Variants in LARS2 observed in about 807,000 individuals in gnomAD.
LARS2 encodes leucine--tRNA ligase, mitochondrial.
Under a neutral mutation model 116.6 loss-of-function variants are expected in LARS2, and 81 were observed. The observed-to-expected ratio is 0.69, with a 90% CI of 0.58 to 0.84. LARS2 has a LOEUF of 0.84. Ranked by LOEUF, LARS2 falls within the 40% of genes least tolerant of loss-of-function variation. LARS2 has a pLI of 0.00. For missense variants in LARS2, 968 were observed against 1,114.5 expected, an observed-to-expected ratio of 0.87 and a Z score of 1.87; for synonymous variants, 396 against 407.2, an observed-to-expected ratio of 0.97 and a Z score of 0.33.
intron 2 of LARS2, among the ~76,000 whole-genome samples, chr3:45,393,051 A>C (rs898945541): frequency 4.6e-5 from 7 of 152,172 alleles, no homozygotes; most frequent in African/African-American, 1.7e-4. Flanking sequence ...TAAAACATGA[A>C]ACTTCTTCAG....
At chr3:45,440,259 A>G (rs1485605147) in intron 6 of LARS2, among the ~76,000 whole-genome samples, 3 of 152,230 alleles carry the variant, frequency 2.0e-5, no homozygotes, top group Non-Finnish European at 4.4e-5. Flanking sequence ...TTTGAGCTGT[A>G]TTATGCTTTT....
At chr3:45,521,237 G>A (rs1441739328) in intron 19 of LARS2, among the ~76,000 whole-genome samples, 4 of 152,120 alleles carry the variant, frequency 2.6e-5, no homozygotes, top group Non-Finnish European at 5.9e-5. Context: ...CCCAGGTGGC[G>A]GAGCATGCAG....
At chr3:45,422,667 T>C (rs1299828268) in intron 6 of LARS2, among the ~76,000 whole-genome samples, 1 of 152,224 alleles carries the variant, frequency 6.6e-6, no homozygotes, top group African/African-American at 2.4e-5. Flanking sequence ...ATTTGATCCA[T>C]TTATTATTTC....
At chr3:45,525,581 GA>G (rs749116693) in intron 20 of LARS2, among the ~76,000 whole-genome samples, 12 of 152,232 alleles carry the variant, frequency 7.9e-5, no homozygotes, top group Admixed American at 2.0e-4. Flanking sequence ...TAGCAGGAAA[GA>G]GATGTGGTGT....
intron 2 of LARS2, among the ~76,000 whole-genome samples, chr3:45,393,839 T>A (rs1697999269): frequency 6.6e-6 from 1 of 152,144 alleles, no homozygotes; most frequent in African/African-American, 2.4e-5. Context: ...AGTAAGTAAA[T>A]AAATAAATAA....
chr3:45,509,605 G>A (rs1700253331), intron 15 of LARS2: 1 of 152,046 alleles, frequency 6.6e-6, no homozygotes, highest in Non-Finnish European at 1.5e-5. Context: ...CAATTATCAT[G>A]TAAATACATG....
chr3:45,471,043 A>T (rs1699516056), intron 8 of LARS2, among the ~76,000 whole-genome samples: 1 of 9,516 alleles, frequency 1.1e-4, no homozygotes, highest in African/African-American at 1.1e-4. Context: ...ACAACACTAA[A>T]AAAAAAAAAA....
chr3:45,426,428 ATCTCCGGCTCTGGATTACTTGT>A (rs1698596089), intron 6 of LARS2, among the ~76,000 whole-genome samples: 1 of 152,194 alleles, frequency 6.6e-6, no homozygotes, highest in Non-Finnish European at 1.5e-5. Flanking sequence ...TGTCTAGCAG[ATCTCCGGCTCTGGATTACTTGT>A]TCTCCCTCAG....
intron 8 of LARS2, among the ~76,000 whole-genome samples, chr3:45,465,242 C>T (rs1349469413): frequency 6.6e-6 from 1 of 152,192 alleles, no homozygotes; most frequent in African/African-American, 2.4e-5. Flanking sequence ...CATAATATCT[C>T]CTGCTTCTGT....
At chr3:45,423,248 G>A (rs1379943481) in intron 6 of LARS2, among the ~76,000 whole-genome samples, 1 of 152,082 alleles carries the variant, frequency 6.6e-6, no homozygotes, top group Non-Finnish European at 1.5e-5. Context: ...TTTTCCAGGG[G>A]TTTTTTGTTG....
At chr3:45,412,750 C>G (rs1337750106) in intron 4 of LARS2, among the ~76,000 whole-genome samples, 2 of 152,198 alleles carry the variant, frequency 1.3e-5, no homozygotes, top group Non-Finnish European at 2.9e-5. Flanking sequence ...CCTGGGGCAA[C>G]AGCAAGCTTG....
At chr3:45,486,154 A>T (rs1056642132) in intron 11 of LARS2, among the ~76,000 whole-genome samples, 5 of 147,918 alleles carry the variant, frequency 3.4e-5, no homozygotes, top group African/African-American at 7.4e-5. Flanking sequence ...TACCAGCTTT[A>T]AAAAAAAAAG....
At chr3:45,488,007 A>G (rs771150407) in intron 11 of LARS2, among the ~76,000 whole-genome samples, 1 of 152,190 alleles carries the variant, frequency 6.6e-6, no homozygotes, top group South Asian at 2.1e-4. Flanking sequence ...TGGAGGAGTC[A>G]GCCCCGCTTC....
chr3:45,403,089 G>A (rs1396537581), intron 4 of LARS2, among the ~76,000 whole-genome samples: 3 of 116,356 alleles, frequency 2.6e-5, no homozygotes, highest in Admixed American at 2.1e-4. Context: ...TGGGCAACAA[G>A]AGCGAAACTC....
intron 21 of LARS2, among the ~76,000 whole-genome samples, chr3:45,544,956 G>T (rs781639792): frequency 1.3e-5 from 2 of 152,066 alleles, no homozygotes; most frequent in African/African-American, 4.8e-5. Flanking sequence ...AAAGCTAAAG[G>T]TAGGGAGTGT....
intron 15 of LARS2, among the ~76,000 whole-genome samples, chr3:45,502,705 C>T (rs1347896023): frequency 6.6e-6 from 1 of 152,112 alleles, no homozygotes; most frequent in Non-Finnish European, 1.5e-5. Flanking sequence ...GCCACTGTGC[C>T]CAGCCAATTT....
rs1395569267 is a variant in LARS2 at position 45,526,025 on chromosome 3, A to G, written c.2404+1917A>G. ...GAGAGGAGGAGGAGAAGGCAATTAT[A>G]AGGACTTCATGAGTTGAGCAAGATT... On this transcript the variant is annotated intron_variant, in intron 20 of 21. Coordinates refer to ENST00000645846, the MANE Select transcript of LARS2 (RefSeq NM_015340.4). Among the ~76,000 whole-genome samples the G allele has an allele frequency of 2.6e-5, 4 of 152,188 alleles. No homozygotes were observed. The East Asian group carries it at 7.7e-4, about 29-fold the overall frequency.
At chr3:45,409,206 A>AG (rs1553627154) in intron 4 of LARS2, among the ~76,000 whole-genome samples, 2 of 151,044 alleles carry the variant, frequency 1.3e-5, no homozygotes, top group Admixed American at 1.3e-4. Flanking sequence ...TTTTATTTTT[A>AG]TTTTTTTTTA....
chr3:45,461,102 T>G (rs1699315802), intron 8 of LARS2, among the ~76,000 whole-genome samples: 1 of 152,046 alleles, frequency 6.6e-6, no homozygotes, highest in Non-Finnish European at 1.5e-5. Context: ...TTGGAATTAG[T>G]AAATAAAGCC....
Sources: allele counts gnomAD v4.1 joint callset (sites outside exome capture counted in the v4.1 genomes callset), GRCh38; gene constraint gnomAD v4.1.1; transcripts MANE v1.5; gene names NCBI Gene and HGNC (gene_info 2026-07-23, HGNC 2026-07-21).